The following POC1A variants were observed in gnomAD, a reference collection of about 807,000 sequenced individuals.
POC1A encodes POC1 centriolar protein A.
Under a neutral mutation model 47.8 loss-of-function variants are expected in POC1A, and 34 were observed. The ratio of observed to expected loss-of-function variants is 0.71; its 90% confidence interval spans 0.54 to 0.95. The LOEUF (loss-of-function observed/expected upper bound fraction) is 0.95, where lower values mean the gene tolerates loss of function less well. Ranked by LOEUF, POC1A falls within the 40% of genes least tolerant of loss-of-function variation. POC1A has a pLI of 0.00. For missense variants in POC1A, 466 were observed against 528.3 expected (o/e 0.88, Z 1.16); for synonymous variants, 177 against 207.6 (o/e 0.85, Z 1.27).
At chr3:52,101,426 C>G (rs902843089) in intron 9 of POC1A, among the ~76,000 whole-genome samples, 1 of 152,054 alleles carries the variant, frequency 6.6e-6, no homozygotes, top group Non-Finnish European at 1.5e-5. Context: ...AGAGACAAAG[C>G]AGTCAGTAGA....
At chr3:52,131,090 C>G (rs934275284) in intron 7 of POC1A, among the ~76,000 whole-genome samples, 1 of 152,198 alleles carries the variant, frequency 6.6e-6, no homozygotes, top group Non-Finnish European at 1.5e-5. Flanking sequence ...TGCACACCAA[C>G]TGCACAGCCA....
chr3:52,143,534 T>C (rs1237840856), intron 6 of POC1A, among the ~76,000 whole-genome samples: 1 of 152,176 alleles, frequency 6.6e-6, no homozygotes, highest in East Asian at 1.9e-4. Context: ...TGTGGACCTT[T>C]ATCTTCTGTG....
At chr3:52,139,720 C>T (rs1698120619) in intron 6 of POC1A, among the ~76,000 whole-genome samples, 1 of 152,182 alleles carries the variant, frequency 6.6e-6, no homozygotes, top group Non-Finnish European at 1.5e-5. Context: ...AAGTCCCTGG[C>T]ACCGAGCAGG....
intron 9 of POC1A, 55 bp from the exon 10 acceptor site, chr3:52,096,767 G>A (rs1460910876): frequency 3.5e-6 from 5 of 1,444,436 alleles, no homozygotes; most frequent in South Asian, 1.4e-5. Flanking sequence ...AAGAAATACT[G>A]TGAGAGGAAT....
chr3:52,132,131 T>C (rs9809977), intron 7 of POC1A, among the ~76,000 whole-genome samples: 20,572 of 152,108 alleles, frequency 0.14, 2,147 homozygotes, highest in African/African-American at 0.28. Context: ...CATCCTCTCC[T>C]ACCATGAGGC....
In POC1A at chr3:52,149,310, C is replaced by A. The variant is rs755022192; in HGVS notation, c.355G>T (p.Val119Leu). 2.8e-5 allele frequency: 45 copies of A among 1,614,056 alleles called. No individual in the cohort carries two copies. The highest frequency in any genetic ancestry group is 3.7e-5 in the Non-Finnish European group (44 of 1,180,026). ...VHFCSDGQSF[V>L]TASDDKTVKV... ...ACTGTCTTGTCGTCAGAGGCTGTCA[C>A]GAAGGACTGGCCATCACTGCAGAAG... The change falls in exon 4 of 11, where the codon GTG becomes TTG. Residue 119 changes from valine to leucine, a missense_variant. Physicochemically the swap from Val to Leu is conservative, Grantham distance 32. Coordinates refer to ENST00000296484, the MANE Select transcript of POC1A (RefSeq NM_015426.5).
At chr3:52,153,503 G>C (rs960074012) in intron 1 of POC1A, among the ~76,000 whole-genome samples, 1 of 152,222 alleles carries the variant, frequency 6.6e-6, no homozygotes, top group Non-Finnish European at 1.5e-5. Context: ...GCAGCTGGGG[G>C]AGGGTCCCCA....
intron 1 of POC1A, among the ~76,000 whole-genome samples, chr3:52,153,806 C>T (rs1431103763): frequency 2.0e-5 from 3 of 152,246 alleles, no homozygotes; most frequent in African/African-American, 7.2e-5. Flanking sequence ...CAGGGCATCA[C>T]AGGCTACCAC....
In POC1A at chr3:52,133,063, A is replaced by G. The variant is rs542877367; in HGVS notation, c.813+5106T>C. ...TCCATCTCAAAAAAAAAAAAGAAAG[A>G]AAGAAATTGAATCCCCAAGGTAACA... On this transcript the variant is annotated intron_variant, in intron 7 of 10. Coordinates refer to ENST00000296484, the MANE Select transcript of POC1A (RefSeq NM_015426.5). Among the ~76,000 whole-genome samples, 37 of 151,868 alleles carry G rather than the reference A, an allele frequency of 2.4e-4. No individual in the cohort carries two copies. In the South Asian group the frequency reaches 4.6e-3, roughly 19 times the overall value.
intron 7 of POC1A, among the ~76,000 whole-genome samples, chr3:52,132,476 C>T (rs1016423840): frequency 2.6e-5 from 4 of 152,234 alleles, no homozygotes; most frequent in African/African-American, 9.6e-5. Flanking sequence ...AAGATGTTTG[C>T]AAAGGTGACC....
chr3:52,149,463 T>G, intron 3 of POC1A, 74 bp from the exon 4 acceptor site: 8 of 1,401,286 alleles, frequency 5.7e-6, no homozygotes, highest in Non-Finnish European at 7.0e-6. Flanking sequence ...ATCAAAGCTC[T>G]CCTACTCCTC....
chr3:52,121,370 G>T (rs2107085730), intron 9 of POC1A, among the ~76,000 whole-genome samples: 1 of 152,274 alleles, frequency 6.6e-6, no homozygotes, highest in East Asian at 1.9e-4. Context: ...CTGAAAACTG[G>T]CCACAGATTA....
chr3:52,111,653 A>T (rs78458485), intron 9 of POC1A, among the ~76,000 whole-genome samples: 14,923 of 101,554 alleles, frequency 0.15, 866 homozygotes, highest in East Asian at 0.32. Flanking sequence ...TCTCAAAATT[A>T]AAAAAAAAAA....
At chr3:52,082,089 A>C (rs1702314472) in intron 10 of POC1A, among the ~76,000 whole-genome samples, 1 of 151,952 alleles carries the variant, frequency 6.6e-6, no homozygotes, top group Non-Finnish European at 1.5e-5. Flanking sequence ...GGGTGGTCTG[A>C]GAAGCCTGAG....
intron 6 of POC1A, among the ~76,000 whole-genome samples, chr3:52,139,759 T>A (rs2107166961): frequency 6.6e-6 from 1 of 152,280 alleles, no homozygotes; most frequent in Non-Finnish European, 1.5e-5. Context: ...GAGCAGGTGC[T>A]TAAGCTGGGT....
At chr3:52,150,577 GT>G (rs973652614) in intron 2 of POC1A, among the ~76,000 whole-genome samples, 3 of 152,176 alleles carry the variant, frequency 2.0e-5, no homozygotes, top group African/African-American at 7.2e-5. Flanking sequence ...CATAAGAGCA[GT>G]GGGGTCGAGG....
At chr3:52,095,837 C>G (rs1702794922) in intron 10 of POC1A, among the ~76,000 whole-genome samples, 1 of 152,246 alleles carries the variant, frequency 6.6e-6, no homozygotes, top group African/African-American at 2.4e-5. Flanking sequence ...CCAAGCATGC[C>G]CCTATTGCTG....
chr3:52,101,118 C>T (rs1380323734), intron 9 of POC1A, among the ~76,000 whole-genome samples: 2 of 149,564 alleles, frequency 1.3e-5, no homozygotes, highest in Non-Finnish European at 3.0e-5. Flanking sequence ...AAATATCAAG[C>T]ACCAAGCAAT....
chr3:52,089,529 C>T (rs1028521238), intron 10 of POC1A, among the ~76,000 whole-genome samples: 1 of 152,164 alleles, frequency 6.6e-6, no homozygotes, highest in African/African-American at 2.4e-5. Context: ...TGGCTACATC[C>T]ACTCTGGACC....
Sources: gnomAD v4.1 joint callset for allele counts (sites outside exome capture counted in the v4.1 genomes callset) on GRCh38, gnomAD v4.1.1 for gene constraint, MANE v1.5 for transcripts, NCBI Gene and HGNC (gene_info 2026-07-23, HGNC 2026-07-21) for gene names.